The following SRD5A2 variants were observed in gnomAD, a reference collection of about 807,000 sequenced individuals.
SRD5A2 encodes steroid 5 alpha-reductase 2.
SRD5A2 carries 30 observed loss-of-function variants against 27.4 expected under a neutral mutation model. The ratio of observed to expected loss-of-function variants is 1.10; its 90% confidence interval spans 0.82 to 1.49. The LOEUF (loss-of-function observed/expected upper bound fraction) is 1.49, where lower values mean the gene tolerates loss of function less well. Among genes scored for constraint, SRD5A2 ranks in the 40% most tolerant of loss-of-function variants. The pLI, the probability that SRD5A2 is intolerant of heterozygous loss-of-function variation, is 0.00. For missense variants in SRD5A2, 348 were observed against 323.4 expected (o/e 1.08, Z -0.58); for synonymous variants, 141 against 133.6 (o/e 1.06, Z -0.38).
chr2:31,642,677 C>G, the SRD5A2 span, among the ~76,000 whole-genome samples: 11 of 151,836 alleles, frequency 7.2e-5, no homozygotes, highest in Non-Finnish European at 1.3e-4. Context: ...TTCATCCCCC[C>G]CAAAAAATGA....
At chr2:31,615,810 G>C in the SRD5A2 span, among the ~76,000 whole-genome samples, 58 of 152,300 alleles carry the variant, frequency 3.8e-4, no homozygotes, top group African/African-American at 1.2e-3. Flanking sequence ...AGGCCCAAAG[G>C]CCTAGGAGGA....
the SRD5A2 span, among the ~76,000 whole-genome samples, chr2:31,654,813 A>G: frequency 6.6e-6 from 1 of 152,166 alleles, no homozygotes; most frequent in Non-Finnish European, 1.5e-5. Flanking sequence ...ACAGCAAACC[A>G]CACTGATTAG....
At chr2:31,612,774 A>C in the SRD5A2 span, among the ~76,000 whole-genome samples, 1 of 152,192 alleles carries the variant, frequency 6.6e-6, no homozygotes, top group African/African-American at 2.4e-5. Context: ...ATATATTACA[A>C]ACCTACTGTA....
At chr2:31,639,292 T>C in the SRD5A2 span, among the ~76,000 whole-genome samples, 3 of 152,090 alleles carry the variant, frequency 2.0e-5, no homozygotes, top group African/African-American at 7.2e-5. Flanking sequence ...ATAGTACCTG[T>C]CTCTTAACCG....
the SRD5A2 span, among the ~76,000 whole-genome samples, chr2:31,614,448 A>G: frequency 2.0e-5 from 3 of 152,312 alleles, no homozygotes; most frequent in East Asian, 5.8e-4. Flanking sequence ...GTGGCTTTGC[A>G]GGGTACAGCT....
intron 1 of SRD5A2, among the ~76,000 whole-genome samples, chr2:31,561,463 A>G (rs767028655): frequency 2.0e-5 from 3 of 152,208 alleles, no homozygotes; most frequent in Non-Finnish European, 2.9e-5. Flanking sequence ...GGTTTTAACT[A>G]TCTAATGGTC....
chr2:31,566,190 T>C (rs1297514336), intron 1 of SRD5A2, among the ~76,000 whole-genome samples: 2 of 152,062 alleles, frequency 1.3e-5, no homozygotes, highest in East Asian at 3.8e-4. Flanking sequence ...TCGGAATTTG[T>C]GAGGTGCCAC....
chr2:31,612,096 G>A, the SRD5A2 span, among the ~76,000 whole-genome samples: 1 of 151,944 alleles, frequency 6.6e-6, no homozygotes, highest in Non-Finnish European at 1.5e-5. Flanking sequence ...GGGCCAATAT[G>A]GTGAAACTCT....
intron 1 of SRD5A2, among the ~76,000 whole-genome samples, chr2:31,569,446 G>A (rs2148096355): frequency 6.6e-6 from 1 of 152,174 alleles, no homozygotes; most frequent in East Asian, 1.9e-4. Flanking sequence ...CATTCTATCA[G>A]ACACATAGTG....
At chr2:31,587,798 G>A in the SRD5A2 span, among the ~76,000 whole-genome samples, 3 of 152,072 alleles carry the variant, frequency 2.0e-5, no homozygotes, top group African/African-American at 7.2e-5. Flanking sequence ...CCAAATGCAT[G>A]TGGGGCTTAA....
the SRD5A2 span, among the ~76,000 whole-genome samples, chr2:31,602,451 A>T: frequency 6.6e-6 from 1 of 152,162 alleles, no homozygotes; most frequent in Non-Finnish European, 1.5e-5. Flanking sequence ...ATGGATAGGA[A>T]GAATCAATAT....
chr2:31,533,649 A>G lies in SRD5A2; in HGVS notation c.399T>C (p.Cys133=). 6.4e-7 allele frequency: 1 copy of G among 1,557,166 alleles called. No homozygotes were observed. Among genetic ancestry groups the G allele is most frequent in the Non-Finnish European group, 8.7e-7 (1 of 1,149,930 alleles). ...GVLQGYYLIY[C]AEYPDGWYTD... is the part of the protein sequence containing the mutation. The stretch of plus-strand genomic sequence containing the variant: ...TGTACCACCCATCAGGGTATTCAGC[A>G]CAGTAAATCAGATAGTAGCCTTGAA... The change falls in exon 2 of 5, where the codon TGT becomes TGC. Residue 133 remains cysteine, a synonymous_variant. Transcript: ENST00000622030.
upstream of SRD5A2, chr2:31,581,033 C>T: frequency 1.1e-5 from 11 of 991,618 alleles, no homozygotes; most frequent in Non-Finnish European, 1.3e-5. Flanking sequence ...ATCCTGCCTC[C>T]CACCTCGCCG....
At chr2:31,656,357 C>G in the SRD5A2 span, among the ~76,000 whole-genome samples, 1 of 152,158 alleles carries the variant, frequency 6.6e-6, no homozygotes, top group African/African-American at 2.4e-5. Context: ...TTTGATCATC[C>G]CTTTTCAGTT....
the SRD5A2 span, among the ~76,000 whole-genome samples, chr2:31,601,977 A>G: frequency 6.6e-6 from 1 of 152,140 alleles, no homozygotes; most frequent in Non-Finnish European, 1.5e-5. Flanking sequence ...AGCTGGAAGC[A>G]TTCCCCTTGA....
the SRD5A2 span, among the ~76,000 whole-genome samples, chr2:31,609,301 A>G: frequency 1.1e-3 from 171 of 152,252 alleles, no homozygotes; most frequent in African/African-American, 3.9e-3. Flanking sequence ...GATATAGCAT[A>G]GACAAAATAA....
At chr2:31,626,145 T>C in the SRD5A2 span, among the ~76,000 whole-genome samples, 1 of 152,218 alleles carries the variant, frequency 6.6e-6, no homozygotes, top group Non-Finnish European at 1.5e-5. Context: ...AGTTCACTCA[T>C]GATTTGGCTC....
At chr2:31,636,374 T>G in the SRD5A2 span, among the ~76,000 whole-genome samples, 2 of 152,118 alleles carry the variant, frequency 1.3e-5, no homozygotes, top group Non-Finnish European at 2.9e-5. Flanking sequence ...TTCTGTACAT[T>G]GATTTTGTAT....
At chr2:31,621,392 T>A in the SRD5A2 span, among the ~76,000 whole-genome samples, 1 of 152,106 alleles carries the variant, frequency 6.6e-6, no homozygotes, top group Non-Finnish European at 1.5e-5. Context: ...GGATTTTCAA[T>A]CAGCATAATT....
Sources: allele counts gnomAD v4.1 joint callset (sites outside exome capture counted in the v4.1 genomes callset), GRCh38; gene constraint gnomAD v4.1.1; transcripts MANE v1.5; gene names NCBI Gene and HGNC (gene_info 2026-07-23, HGNC 2026-07-21).